Variants in ST3GAL6 observed in about 807,000 individuals in gnomAD.
ST3GAL6 encodes the protein type 2 lactosamine alpha-2,3-sialyltransferase.
A neutral mutation model predicts 40.5 loss-of-function variants in ST3GAL6; 31 were observed. The observed-to-expected ratio is 0.77, with a 90% CI of 0.58 to 1.03. ST3GAL6 has a LOEUF of 1.03. ST3GAL6 is among the 50% of genes least tolerant of loss of function. The probability of loss-of-function intolerance (pLI) is 0.00; values close to 1 mark genes in which losing one functional copy is unlikely to be tolerated. For missense variants in ST3GAL6, 357 were observed against 393.2 expected, an observed-to-expected ratio of 0.91 and a Z score of 0.78; for synonymous variants, 129 against 136.9, an observed-to-expected ratio of 0.94 and a Z score of 0.40.
At chr3:98,768,079 T>C (rs974122180) in intron 1 of ST3GAL6, among the ~76,000 whole-genome samples, 41 of 152,232 alleles carry the variant, frequency 2.7e-4, no homozygotes, top group African/African-American at 9.4e-4. Flanking sequence ...TTAATGTTTG[T>C]GAAAAAAGTT....
intron 6 of ST3GAL6, among the ~76,000 whole-genome samples, 183 bp from the exon 7 acceptor site, chr3:98,787,849 CAACT>C (rs1407334355): frequency 2.6e-5 from 4 of 152,210 alleles, no homozygotes; most frequent in Admixed American, 2.0e-4. Context: ...TTTGATCAAC[CAACT>C]ATTTCATGAA....
At chr3:98,757,492 A>T (rs1034573095) in intron 1 of ST3GAL6, among the ~76,000 whole-genome samples, 1 of 152,178 alleles carries the variant, frequency 6.6e-6, no homozygotes, top group Non-Finnish European at 1.5e-5. Flanking sequence ...GCAACACCTC[A>T]ATTTAGTGGA....
chr3:98,789,053 T>G (rs2107347269), intron 8 of ST3GAL6, among the ~76,000 whole-genome samples: 1 of 152,362 alleles, frequency 6.6e-6, no homozygotes, highest in East Asian at 1.9e-4. Context: ...TCACTCCTGT[T>G]TGCCTTCTTT....
rs1401497489 is a variant in ST3GAL6, at chr3:98,768,414, A to G, written c.-11-16A>G. On this transcript the variant is annotated splice_polypyrimidine_tract_variant and intron_variant, in intron 1 of 9. Coordinates refer to ENST00000483910, the MANE Select transcript of ST3GAL6 (RefSeq NM_001323368.2). ...CAACCTGGCCTTTGCTTTGGACTTC[A>G]TTCCTTGTGTTTCAGGTGAGCCAGC... 5 of 1,603,690 alleles carry G rather than the reference A, an allele frequency of 3.1e-6. No individual in the cohort carries two copies. In the Admixed American group the frequency reaches 8.3e-5, roughly 27 times the overall value.
intron 8 of ST3GAL6, among the ~76,000 whole-genome samples, chr3:98,791,239 T>C (rs1261986750): frequency 1.3e-5 from 2 of 152,218 alleles, no homozygotes; most frequent in African/African-American, 2.4e-5. Context: ...AAAAGTATAA[T>C]GGTGCAGCTG....
intron 5 of ST3GAL6, chr3:98,782,529 G>A (rs923217719): frequency 5.5e-5 from 32 of 577,344 alleles, no homozygotes; most frequent in East Asian, 2.4e-4. Context: ...GGTCCTGCAC[G>A]TAGGAAGTGC....
chr3:98,771,708 A>C (rs1479971780), intron 3 of ST3GAL6, among the ~76,000 whole-genome samples: 1 of 152,106 alleles, frequency 6.6e-6, no homozygotes, highest in Non-Finnish European at 1.5e-5. Context: ...ACAATCAATC[A>C]ACTCTCTGGA....
intron 5 of ST3GAL6, among the ~76,000 whole-genome samples, chr3:98,779,938 T>A (rs1234317607): frequency 1.3e-5 from 2 of 152,212 alleles, no homozygotes; most frequent in African/African-American, 4.8e-5. Flanking sequence ...GATACAGAGA[T>A]ATAAATGATA....
chr3:98,788,404 A>G lies in ST3GAL6; in HGVS notation c.697A>G (p.Ile233Val). 6.2e-7 allele frequency: 1 copy of G among 1,613,376 alleles called. No homozygotes were observed. The highest frequency in any genetic ancestry group is 8.5e-7 in the Non-Finnish European group (1 of 1,179,804). The stretch of plus-strand genomic sequence containing the variant: ...TCAAATCCGAATATTAGATCCTTTC[A>G]TTATCAGAACAGCAGCTTATGAACT... ...PYQIRILDPF[I>V]IRTAAYELLH... The change falls in exon 8 of 10, where the codon ATT becomes GTT. Residue 233 changes from isoleucine to valine, a missense_variant. Physicochemically the swap from Ile to Val is conservative, Grantham distance 29 (BLOSUM62 3). Transcript: ENST00000483910.
chr3:98,739,278 T>A (rs1351155205), intron 1 of ST3GAL6, among the ~76,000 whole-genome samples: 1 of 151,674 alleles, frequency 6.6e-6, no homozygotes, highest in African/African-American at 2.4e-5. Flanking sequence ...TAACATCACA[T>A]CTAGAGAAAC....
intron 1 of ST3GAL6, among the ~76,000 whole-genome samples, chr3:98,748,031 A>T (rs527919247): frequency 6.6e-6 from 1 of 152,366 alleles, no homozygotes; most frequent in Admixed American, 6.5e-5. Context: ...ATAAATATGC[A>T]TAATATTTCC....
At chr3:98,747,723 G>A (rs936476039) in intron 1 of ST3GAL6, among the ~76,000 whole-genome samples, 1 of 152,106 alleles carries the variant, frequency 6.6e-6, no homozygotes, top group African/African-American at 2.4e-5. Context: ...AATATAGAGT[G>A]ATAAACACAA....
At chr3:98,749,556 G>T (rs976232299) in intron 1 of ST3GAL6, among the ~76,000 whole-genome samples, 2 of 152,172 alleles carry the variant, frequency 1.3e-5, no homozygotes, top group African/African-American at 4.8e-5. Context: ...TTTCCTAAGG[G>T]CCAGAATAAT....
intron 2 of ST3GAL6, 112 bp downstream of exon 2, chr3:98,768,641 C>A: frequency 1.3e-6 from 1 of 778,396 alleles, no homozygotes; most frequent in African/African-American, 1.8e-5. Flanking sequence ...TGAATATTTT[C>A]TTGCTTTCCA....
intron 1 of ST3GAL6, among the ~76,000 whole-genome samples, chr3:98,748,754 C>G (rs1936754038): frequency 6.6e-6 from 1 of 152,224 alleles, no homozygotes; most frequent in Non-Finnish European, 1.5e-5. Context: ...GTGTGAGCCA[C>G]CGCGCCTGGC....
chr3:98,795,204 A>G lies in ST3GAL6; in HGVS notation c.*1443A>G. On this transcript the variant is annotated 3_prime_UTR_variant, in exon 10 of 10. Transcript: ENST00000483910. ...TTGTCAGAAGAGGTATGAGCTGAAG[A>G]AAGAATTACTCTCTTTTGACCAATA... 1 of 152,224 alleles carries G rather than the reference A, an allele frequency of 6.6e-6. No homozygotes were observed. The highest frequency in any genetic ancestry group is 1.5e-5 in the Non-Finnish European group (1 of 68,048). 9.4% of individuals were successfully genotyped at this position (152,224 alleles called of 1,614,324 possible).
chr3:98,773,117 TA>T, intron 4 of ST3GAL6: 1 of 346,448 alleles, frequency 2.9e-6, no homozygotes, highest in East Asian at 4.6e-5. Flanking sequence ...AACCAAAGGA[TA>T]ACAGGGGTAG....
intron 5 of ST3GAL6, among the ~76,000 whole-genome samples, chr3:98,780,028 T>C (rs1480190357): frequency 2.0e-5 from 3 of 152,232 alleles, no homozygotes; most frequent in African/African-American, 7.2e-5. Context: ...TGTGAAGTTT[T>C]ACAGTCACCC....
At chr3:98,786,809 TGTG>T (rs2107328879) in intron 6 of ST3GAL6, among the ~76,000 whole-genome samples, 1 of 150,998 alleles carries the variant, frequency 6.6e-6, no homozygotes, top group Admixed American at 6.6e-5. Flanking sequence ...AGAACACAAG[TGTG>T]GTTAATGTTT....
Sources: gnomAD v4.1 joint callset for allele counts (sites outside exome capture counted in the v4.1 genomes callset) on GRCh38, gnomAD v4.1.1 for gene constraint, MANE v1.5 for transcripts, NCBI Gene and HGNC (gene_info 2026-07-23, HGNC 2026-07-21) for gene names.